KBTBD6: variants seen among roughly 807,000 people sequenced by gnomAD.
KBTBD6 encodes the protein kelch repeat and BTB domain-containing protein 6.
KBTBD6 carries 6 observed loss-of-function variants against 34.4 expected under a neutral mutation model. The observed-to-expected ratio is 0.17, with a 90% CI of 0.10 to 0.34. The LOEUF (loss-of-function observed/expected upper bound fraction) is 0.34. Among genes scored for constraint, KBTBD6 ranks in the 10% least tolerant of loss-of-function variants. KBTBD6 has a pLI of 1.00. For missense variants in KBTBD6, 557 were observed against 856.0 expected, an observed-to-expected ratio of 0.65 and a Z score of 4.36; for synonymous variants, 288 against 327.2, an observed-to-expected ratio of 0.88 and a Z score of 1.29.
rs1260322216 is a variant in KBTBD6 at position 41,132,530 on chromosome 13, C to A, written c.-19G>T. On this transcript the variant is annotated 5_prime_UTR_variant, in exon 1 of 1. Transcript: ENST00000379485. ...ACTGCATGGTGGAGATGGCGACGGG[C>A]GCTGATGGCGAGAAACGCTGCAGGA... is the stretch of plus-strand genomic sequence containing the variant. The A allele has an allele frequency of 6.2e-7, 1 of 1,604,790 alleles. No individual in the cohort carries two copies. Among genetic ancestry groups the A allele is most frequent in the Non-Finnish European group, 8.5e-7 (1 of 1,173,756 alleles).
chr13:41,132,115 G>T lies in KBTBD6; in HGVS notation c.397C>A (p.Arg133Ser). 1 of 1,614,234 alleles carries T rather than the reference G, an allele frequency of 6.2e-7. No homozygotes were observed. The highest frequency in any genetic ancestry group is 8.5e-7 in the Non-Finnish European group (1 of 1,180,054). Residue 133 changes from arginine (R) to serine (S), a missense_variant, in exon 1 of 1, where the codon CGT (arginine) becomes AGT (serine). By Grantham distance (110) the Arg-to-Ser change is moderately radical. This residue lies in a region of KBTBD6 where 108 missense variants were observed against 209.6 expected (regional missense o/e 0.52). Transcript: ENST00000379485. The part of the protein sequence containing the change: ...EVLVDYCYTG[R>S]VSLSEANVER... Reference sequence around the variant, plus strand: ...ACGTTGGCCTCACTGAGAGACACACGACCCGTGTAGCAGTAGTCGACCAAC... The same window carrying T: ...ACGTTGGCCTCACTGAGAGACACACTACCCGTGTAGCAGTAGTCGACCAAC...
chr13:41,130,436 C>A lies in KBTBD6; in HGVS notation c.*51G>T. Reference sequence around the variant, plus strand: ...AAGATATTTTCCAAAACAGTAAAAACAACTTAGTGTTTCAATCTAGTTACA... The same window carrying A: ...AAGATATTTTCCAAAACAGTAAAAAAAACTTAGTGTTTCAATCTAGTTACA... On this transcript the variant is annotated 3_prime_UTR_variant, in exon 1 of 1. Transcript: ENST00000379485. The surrounding 1 kb of genome is among the most constrained non-coding windows in gnomAD (Gnocchi z 4.8). The A allele has an allele frequency of 1.5e-6, 2 of 1,332,028 alleles. No individual in the cohort carries two copies. The highest frequency in any genetic ancestry group is 2.3e-5 in the East Asian group (1 of 43,044). 82.5% of individuals were successfully genotyped at this position (1,332,028 alleles called of 1,614,324 possible).
Position 41,132,717 on chromosome 13 carries a change from C to G in KBTBD6, c.-206G>C. 1.6e-6 allele frequency: 1 copy of G among 638,820 alleles called. No homozygotes were observed. Among genetic ancestry groups the G allele is most frequent in the South Asian group, 2.2e-5 (1 of 44,714 alleles). 39.6% of individuals were successfully genotyped at this position (638,820 alleles called of 1,614,324 possible). A position where few individuals can be genotyped will look rare whatever the true frequency, so the allele number is the denominator to read the frequency against. ...GCTGACTCACCCTCTCTCACTCCCG[C>G]GTCCTTTCTCCGCGTCTGCTCGCCT... is the stretch of plus-strand genomic sequence containing the variant. On this transcript the variant is annotated 5_prime_UTR_variant, in exon 1 of 1. Coordinates refer to ENST00000379485, the MANE Select transcript of KBTBD6 (RefSeq NM_152903.5).
Position 41,132,587 on chromosome 13 carries a change from G to A in KBTBD6, c.-76C>T, listed in dbSNP as rs1461817204. The A allele has an allele frequency of 2.0e-6, 3 of 1,505,630 alleles. No homozygotes were observed. Among genetic ancestry groups the A allele is most frequent in the East Asian group, 4.5e-5 (2 of 44,178 alleles). 93.3% of individuals were successfully genotyped at this position (1,505,630 alleles called of 1,614,324 possible). ...TCTGGCTCCTCCTCAACCTTCCCTC[G>A]CTGACGCTAAGATAGCAGCGTCTCC... On this transcript the variant is annotated 5_prime_UTR_variant, in exon 1 of 1. Transcript: ENST00000379485.
rs749844387 is a variant in KBTBD6, at chr13:41,131,604, T to G, written c.908A>C (p.Tyr303Ser). The G allele has an allele frequency of 1.2e-6, 2 of 1,613,362 alleles. No homozygotes were observed. The highest frequency in any genetic ancestry group is 2.7e-5 in the African/African-American group (2 of 74,888). ...CAGAGACTTGTACAACAGGTCACCA[T>G]AGCGCATCTGCAGGGCCCCTTCAAT... ...DVIEGALQMR[Y>S]GDLLYKSLVP... The change falls in exon 1 of 1, where the codon TAT (tyrosine) becomes TCT (serine). Residue 303 changes from tyrosine (Y) to serine (S), a missense_variant. Transcript: ENST00000379485. The surrounding 1 kb of genome is among the most constrained non-coding windows in gnomAD (Gnocchi z 5.8).
chr13:41,131,648 C>T lies in KBTBD6; in HGVS notation c.864G>A (p.Lys288=), dbSNP rs1362253098. 6.2e-7 allele frequency: 1 copy of T among 1,613,988 alleles called. No individual in the cohort carries two copies. Among genetic ancestry groups the T allele is most frequent in the South Asian group, 1.1e-5 (1 of 91,074 alleles). ...LEGLLTKPIV[K]KYCLDVIEGA... is the part of the protein sequence containing the mutation. ...CTTCAATAACGTCCAGGCAGTACTT[C>T]TTCACGATGGGCTTGGTCAGCAGCC... The change falls in exon 1 of 1, where the codon AAG becomes AAA. Residue 288 remains lysine, a synonymous_variant. Coordinates refer to ENST00000379485, the MANE Select transcript of KBTBD6 (RefSeq NM_152903.5). The surrounding 1 kb of genome is among the most constrained non-coding windows in gnomAD (Gnocchi z 5.8).
chr13:41,130,991 G>C lies in KBTBD6; in HGVS notation c.1521C>G (p.Cys507Trp). ...YDPSHNMWLK[C>W]VSLKRNDFQE... is the part of the protein sequence containing the mutation. ...GAAAGTCATTGCGCTTCAGAGAAAC[G>C]CACTTCAGCCACATATTGTGGCTAG... is the stretch of plus-strand genomic sequence containing the variant. The change falls in exon 1 of 1, where the codon TGC becomes TGG. Residue 507 changes from cysteine (C) to tryptophan (W), a missense_variant. Cys to Trp is a radical substitution (Grantham distance 215, BLOSUM62 -2). Transcript: ENST00000379485. The surrounding 1 kb of genome is among the most constrained non-coding windows in gnomAD (Gnocchi z 4.8). 1 of 1,614,082 alleles carries C rather than the reference G, an allele frequency of 6.2e-7. No homozygotes were observed. The highest frequency in any genetic ancestry group is 8.5e-7 in the Non-Finnish European group (1 of 1,179,974).
At position 41,132,281 on chromosome 13, in the gene KBTBD6, G is replaced by A; in HGVS notation, c.231C>T (p.Gly77=). The change falls in exon 1 of 1, where the codon GGC becomes GGT. Residue 77 remains glycine (G), a synonymous_variant. Coordinates refer to ENST00000379485, the MANE Select transcript of KBTBD6 (RefSeq NM_152903.5). ...GGTTGCAGGGGAACAGGCGACCCGT[G>A]CCAGGCCCGCTGCCAGGCGTCACCA... The part of the protein sequence containing the change: ...IEVVTPGSGP[G]TGRLFPCNRN... 1 of 1,614,236 alleles carries A rather than the reference G, an allele frequency of 6.2e-7. No individual in the cohort carries two copies. The highest frequency in any genetic ancestry group is 2.2e-5 in the East Asian group (1 of 44,876).
At position 41,128,449 on chromosome 13, in the gene KBTBD6, T is replaced by C. The variant is rs1341664884; in HGVS notation, c.*2038A>G. On this transcript the variant is annotated 3_prime_UTR_variant, in exon 1 of 1. Transcript: ENST00000379485. ...GGGATTTAGTCTCTGTTCCAGGACC[T>C]TCTCTTACATTATGGTAACAGAAAA... 7.6e-6 allele frequency: 3 copies of C among 394,366 alleles called. No homozygotes were observed. Among genetic ancestry groups the C allele is most frequent in the African/African-American group, 2.1e-5 (1 of 48,552 alleles). The allele number at this position is 394,366 out of a possible 1,614,324, so 24.4% of individuals were successfully genotyped here.
chr13:41,127,881 C>T lies in KBTBD6; in HGVS notation c.*2606G>A, dbSNP rs2030021470. The stretch of plus-strand genomic sequence containing the variant: ...AAAGAAAATGCTAGCCAAAAAATAA[C>T]ACTATTGAGAAATAGGTGCGTATTA... On this transcript the variant is annotated 3_prime_UTR_variant, in exon 1 of 1. Transcript: ENST00000379485. 2.0e-5 allele frequency: 3 copies of T among 152,168 alleles called. No individual in the cohort carries two copies. 9.4% of individuals were successfully genotyped at this position (152,168 alleles called of 1,614,324 possible).
rs1199850466 is a variant in KBTBD6 at position 41,130,269 on chromosome 13, A to G, written c.*218T>C. 2.0e-6 allele frequency: 1 copy of G among 489,590 alleles called. No individual in the cohort carries two copies. Among genetic ancestry groups the G allele is most frequent in the East Asian group, 3.3e-5 (1 of 30,256 alleles). The allele number at this position is 489,590 out of a possible 1,614,324, so 30.3% of individuals were successfully genotyped here. On this transcript the variant is annotated 3_prime_UTR_variant, in exon 1 of 1. Coordinates refer to ENST00000379485, the MANE Select transcript of KBTBD6 (RefSeq NM_152903.5). The surrounding 1 kb of genome is among the most constrained non-coding windows in gnomAD (Gnocchi z 4.8). ...ATAATCAAATAAATACTGGACCCTTAGCACAGAAAATTATTAAAAGGTTGA... is the reference window on the plus strand; with the variant it reads ...ATAATCAAATAAATACTGGACCCTTGGCACAGAAAATTATTAAAAGGTTGA...
rs747927072 is a variant in KBTBD6, at chr13:41,130,826, G to C, written c.1686C>G (p.Ile562Met). The C allele has an allele frequency of 5.0e-6, 8 of 1,614,176 alleles. No individual in the cohort carries two copies. In the South Asian group the frequency reaches 8.8e-5, roughly 18 times the overall value. Residue 562 changes from isoleucine (I) to methionine (M), a missense_variant, in exon 1 of 1, where the codon ATC becomes ATG. Ile to Met is a conservative substitution (Grantham distance 10). Around this residue, in one of 4 missense-constraint regions of KBTBD6, gnomAD observed 309 missense variants for 504.5 expected, o/e 0.61. Transcript: ENST00000379485. This position sits in a 1 kb window ranked among gnomAD's most constrained non-coding sequence, Gnocchi z 4.8. ...TGAGCAACAATTTTTGGCCATGCTT[G>C]ATAATTCTGTAGTTGTTGGTCTCTG... ...LVSETNNYRI[I>M]KHGQKLLLIT...
chr13:41,131,666 C>G lies in KBTBD6; in HGVS notation c.846G>C (p.Leu282=). The change falls in exon 1 of 1, where the codon CTG becomes CTC. Residue 282 remains leucine (L), a synonymous_variant. Coordinates refer to ENST00000379485, the MANE Select transcript of KBTBD6 (RefSeq NM_152903.5). This position sits in a 1 kb window ranked among gnomAD's most constrained non-coding sequence, Gnocchi z 5.8. ...AGTACTTCTTCACGATGGGCTTGGT[C>G]AGCAGCCCTTCTAAGTAGTCCTGAT... is the stretch of plus-strand genomic sequence containing the variant. ...EEDQDYLEGL[L]TKPIVKKYCL... The G allele has an allele frequency of 6.2e-7, 1 of 1,614,074 alleles. No homozygotes were observed. The highest frequency in any genetic ancestry group is 1.1e-5 in the South Asian group (1 of 91,052).
At position 41,127,721 on chromosome 13, in the gene KBTBD6, T is replaced by C. The variant is rs2030017488; in HGVS notation, c.*2766A>G. The C allele has an allele frequency of 6.6e-6, 1 of 152,156 alleles. No individual in the cohort carries two copies. Among genetic ancestry groups the C allele is most frequent in the Non-Finnish European group, 1.5e-5 (1 of 68,044 alleles). The allele number at this position is 152,156 out of a possible 1,614,324, so 9.4% of individuals were successfully genotyped here. A position where few individuals can be genotyped will look rare whatever the true frequency, so the allele number is the denominator to read the frequency against. On this transcript the variant is annotated 3_prime_UTR_variant, in exon 1 of 1. Coordinates refer to ENST00000379485, the MANE Select transcript of KBTBD6 (RefSeq NM_152903.5). ...TTTAGTCTAAGCTTTAATTCAAAGGTTGAGAATGACGAATTCAAGAATTTC... is the reference window on the plus strand; with the variant it reads ...TTTAGTCTAAGCTTTAATTCAAAGGCTGAGAATGACGAATTCAAGAATTTC...
chr13:41,131,895 ATGTGGCTG>A lies in KBTBD6; in HGVS notation c.609_616del (p.Ser204GlyfsTer24). 6.2e-7 allele frequency: 1 copy of A among 1,614,238 alleles called. No individual in the cohort carries two copies. Among genetic ancestry groups the A allele is most frequent in the East Asian group, 2.2e-5 (1 of 44,884 alleles). On this transcript the variant is annotated frameshift_variant, in exon 1 of 1. Transcript: ENST00000379485. LOFTEE classifies it high-confidence loss of function. This position sits in a 1 kb window ranked among gnomAD's most constrained non-coding sequence, Gnocchi z 5.8. The stretch of plus-strand genomic sequence containing the variant: ...TAGAGTCTCCTCCCGAATTGAACCC[ATGTGGCTG>A]AGTTGCTTGAAGTTCTGAGCTATAT...
chr13:41,132,800 G>A lies in KBTBD6; in HGVS notation c.-289C>T. On this transcript the variant is annotated 5_prime_UTR_variant, in exon 1 of 1. Transcript: ENST00000379485. ...CCGCTACTGCAGCGTGGGCGACAAT[G>A]CTAGGCGCCCAGGAGAACTACCGCT... 4.4e-6 allele frequency: 2 copies of A among 453,424 alleles called. No individual in the cohort carries two copies. The highest frequency in any genetic ancestry group is 3.4e-5 in the South Asian group (1 of 29,178). The allele number at this position is 453,424 out of a possible 1,614,324, so 28.1% of individuals were successfully genotyped here.
In KBTBD6 at chr13:41,131,379, T is replaced by C. The variant is rs762524181; in HGVS notation, c.1133A>G (p.His378Arg). The change falls in exon 1 of 1, where the codon CAC becomes CGC. Residue 378 changes from histidine to arginine, a missense_variant. Physicochemically the swap from His to Arg is conservative, Grantham distance 29. This residue lies in a region of KBTBD6 where 309 missense variants were observed against 504.5 expected (regional missense o/e 0.61). Transcript: ENST00000379485. This position sits in a 1 kb window ranked among gnomAD's most constrained non-coding sequence, Gnocchi z 5.8. ...AGCTAAAGTGGTGACAGTCCTAGTG[T>C]GAGCCAGACAGGTCAAAGGTGACGG... ...KVPSPLTCLA[H>R]TRTVTTLAVC... 1 of 1,614,108 alleles carries C rather than the reference T, an allele frequency of 6.2e-7. No homozygotes were observed. Among genetic ancestry groups the C allele is most frequent in the Non-Finnish European group, 8.5e-7 (1 of 1,179,992 alleles).
At position 41,127,921 on chromosome 13, in the gene KBTBD6, A is replaced by G. The variant is rs2030022173; in HGVS notation, c.*2566T>C. The G allele has an allele frequency of 6.6e-6, 1 of 152,230 alleles. No homozygotes were observed. The highest frequency in any genetic ancestry group is 1.5e-5 in the Non-Finnish European group (1 of 68,044). 9.4% of individuals were successfully genotyped at this position (152,230 alleles called of 1,614,324 possible). On this transcript the variant is annotated 3_prime_UTR_variant, in exon 1 of 1. Transcript: ENST00000379485. ...GGTGCGTATTAAGTGCAATACTTACAACATCTCTGATGTCAAATGACCAAA... is the reference window on the plus strand; with the variant it reads ...GGTGCGTATTAAGTGCAATACTTACGACATCTCTGATGTCAAATGACCAAA...
rs1436052769 is a variant in KBTBD6, at chr13:41,128,136, T to C, written c.*2351A>G. 6.1e-6 allele frequency: 1 copy of C among 164,282 alleles called. No individual in the cohort carries two copies. The highest frequency in any genetic ancestry group is 1.3e-5 in the Non-Finnish European group (1 of 76,228). 10.2% of individuals were successfully genotyped at this position (164,282 alleles called of 1,614,324 possible). On this transcript the variant is annotated 3_prime_UTR_variant, in exon 1 of 1. Coordinates refer to ENST00000379485, the MANE Select transcript of KBTBD6 (RefSeq NM_152903.5). ...TGTCTCCCTCTTTCCATTCTCATCT[T>C]ATGATATTTCACTCAAAAATTTAGT...
Sources: gnomAD v4.1 joint callset for allele counts on GRCh38, gnomAD v4.1.1 for gene constraint, gnomAD v4.1.1 regional missense constraint, Gnocchi (gnomAD v3.1) non-coding constraint, MANE v1.5 for transcripts, NCBI Gene and HGNC (gene_info 2026-07-23, HGNC 2026-07-21) for gene names.